Variants in IGF1R observed in about 807,000 individuals in gnomAD.
The protein encoded by IGF1R is insulin like growth factor 1 receptor.
In IGF1R, 44 loss-of-function variants were observed where a neutral mutation model predicts 144.6. The observed-to-expected ratio is 0.30, with a 90% CI of 0.24 to 0.39. The LOEUF (loss-of-function observed/expected upper bound fraction) is 0.39. Among genes scored for constraint, IGF1R ranks in the 10% least tolerant of loss-of-function variants. The pLI is 1.00. For missense variants in IGF1R, 1,355 were observed against 1,833.7 expected (o/e 0.74, Z 4.77); for synonymous variants, 795 against 722.8 (o/e 1.10, Z -1.60).
intron 2 of IGF1R, among the ~76,000 whole-genome samples, chr15:98,794,008 A>C (rs1224035715): frequency 1.3e-5 from 2 of 152,224 alleles, no homozygotes; most frequent in African/African-American, 4.8e-5. Context: ...GAAGCGCCCT[A>C]TCTTAGCACT....
chr15:98,856,316 A>C (rs773886512), intron 2 of IGF1R, among the ~76,000 whole-genome samples: 1 of 152,204 alleles, frequency 6.6e-6, no homozygotes, highest in African/African-American at 2.4e-5. Flanking sequence ...CATCGTCCAT[A>C]GTCTTCACCA....
chr15:98,761,931 T>C (rs2055307550), intron 2 of IGF1R, among the ~76,000 whole-genome samples: 1 of 152,236 alleles, frequency 6.6e-6, no homozygotes, highest in Admixed American at 6.5e-5. Flanking sequence ...GAGGGCTCAC[T>C]GTTTAGTGGG....
At chr15:98,952,193 C>T (rs1269614072) in intron 20 of IGF1R, among the ~76,000 whole-genome samples, 1 of 152,074 alleles carries the variant, frequency 6.6e-6, no homozygotes, top group Non-Finnish European at 1.5e-5. Flanking sequence ...CTCACCTTCT[C>T]CTTCAGGTTA....
intron 2 of IGF1R, among the ~76,000 whole-genome samples, chr15:98,773,183 T>C (rs578000871): frequency 6.6e-6 from 1 of 152,276 alleles, no homozygotes; most frequent in African/African-American, 2.4e-5. Flanking sequence ...ACAAGATGAG[T>C]AGCTGGTGGC....
intron 10 of IGF1R, among the ~76,000 whole-genome samples, chr15:98,917,160 G>A (rs551202430): frequency 6.6e-6 from 1 of 152,282 alleles, no homozygotes; most frequent in East Asian, 1.9e-4. Context: ...TGGGCACCCT[G>A]TGGTAGAGGC....
At chr15:98,702,619 T>A (rs1005350428) in intron 1 of IGF1R, among the ~76,000 whole-genome samples, 2 of 152,330 alleles carry the variant, frequency 1.3e-5, no homozygotes, top group African/African-American at 4.8e-5. Context: ...TGAACCACTG[T>A]GCCTGACTTT....
chr15:98,907,052 C>T (rs2014767725), intron 5 of IGF1R, among the ~76,000 whole-genome samples: 1 of 152,208 alleles, frequency 6.6e-6, no homozygotes, highest in African/African-American at 2.4e-5. Context: ...TAGATGTCAC[C>T]TGTGCATTCC....
At chr15:98,650,832 A>G in intron 1 of IGF1R, 1 of 873,728 alleles carries the variant, frequency 1.1e-6, no homozygotes, top group Non-Finnish European at 1.4e-6. Flanking sequence ...GTGTCGCTCC[A>G]CATTCGCTGT....
At position 98,792,550 on chromosome 15, in the gene IGF1R, G is replaced by GT. The variant is rs547872915; in HGVS notation, c.640+84444dup. ...GGTTATCTTCAAAGGATAAATTATG[G>GT]TAGGTGGTTGTTACCCAGGTTACCA... On this transcript the variant is annotated intron_variant, in intron 2 of 20. Transcript: ENST00000650285. 8.7e-3 allele frequency among the ~76,000 whole-genome samples: 1,318 copies of GT among 152,272 alleles called. 26 individuals carry two copies. Among genetic ancestry groups the GT allele is most frequent in the African/African-American group, 0.03 (1,234 of 41,520 alleles).
At chr15:98,815,704 G>A (rs1274819484) in intron 2 of IGF1R, among the ~76,000 whole-genome samples, 3 of 152,148 alleles carry the variant, frequency 2.0e-5, no homozygotes, top group African/African-American at 7.2e-5. Flanking sequence ...GTGACTCTGT[G>A]TGTTGGAGTG....
In IGF1R at chr15:98,891,292, GGTCTCATCTCC is replaced by G. The variant is rs1223552904; in HGVS notation, c.641-27_641-17del. On this transcript the variant is annotated intron_variant, in intron 2 of 20. Transcript: ENST00000650285. This position sits in a 1 kb window ranked among gnomAD's most constrained non-coding sequence, Gnocchi z 4.7. The stretch of plus-strand genomic sequence containing the variant: ...AGAGAAGGCGGTGCCTCCCCTGCCC[GGTCTCATCTCC>G]GTCTCTCCTCTCTCTCCACAGTGTG... 6.3e-6 allele frequency: 10 copies of G among 1,598,018 alleles called. No individual in the cohort carries two copies. The highest frequency in any genetic ancestry group is 6.8e-6 in the Non-Finnish European group (8 of 1,177,396).
At chr15:98,708,205 C>A in intron 2 of IGF1R, 98 bp downstream of exon 2, 1 of 1,063,896 alleles carries the variant, frequency 9.4e-7, no homozygotes, top group Non-Finnish European at 1.4e-6. Flanking sequence ...TTCCGCTGGG[C>A]AGGGTGCAGT....
At chr15:98,771,310 G>A (rs1195182015) in intron 2 of IGF1R, among the ~76,000 whole-genome samples, 2 of 151,756 alleles carry the variant, frequency 1.3e-5, no homozygotes, top group African/African-American at 4.8e-5. Context: ...TAGGATTTTT[G>A]TTGTTGTTGT....
intron 2 of IGF1R, among the ~76,000 whole-genome samples, chr15:98,879,292 G>A (rs1053346196): frequency 1.3e-4 from 20 of 152,276 alleles, no homozygotes; most frequent in Middle Eastern, 6.8e-3. Flanking sequence ...TAAAAATACA[G>A]TGATAGTAAA....
intron 1 of IGF1R, among the ~76,000 whole-genome samples, chr15:98,676,798 C>T (rs538685323): frequency 1.3e-5 from 2 of 152,280 alleles, no homozygotes; most frequent in Admixed American, 6.5e-5. Context: ...ATGAAGAAAT[C>T]ACAGAAGGTC....
chr15:98,933,431 C>A (rs1350069086), intron 15 of IGF1R, among the ~76,000 whole-genome samples: 1 of 152,052 alleles, frequency 6.6e-6, no homozygotes, highest in Non-Finnish European at 1.5e-5. Context: ...GTAGCCTCAA[C>A]CTCCTGGGCT....
intron 2 of IGF1R, among the ~76,000 whole-genome samples, chr15:98,810,739 G>A (rs1351371298): frequency 6.6e-6 from 1 of 151,540 alleles, no homozygotes; most frequent in Non-Finnish European, 1.5e-5. Flanking sequence ...TAGTAGAGAC[G>A]GGGTTTCACC....
intron 1 of IGF1R, among the ~76,000 whole-genome samples, chr15:98,698,848 T>C (rs945077644): frequency 3.9e-5 from 6 of 152,114 alleles, no homozygotes; most frequent in African/African-American, 1.2e-4. Flanking sequence ...AACAGATGAG[T>C]GGGATTTCTA....
intron 1 of IGF1R, among the ~76,000 whole-genome samples, chr15:98,697,245 C>G (rs556885186): frequency 6.6e-6 from 1 of 152,168 alleles, no homozygotes; most frequent in Non-Finnish European, 1.5e-5. Context: ...TCAACGCAGT[C>G]GGTTGTGGCT....
Sources: allele counts gnomAD v4.1 joint callset (sites outside exome capture counted in the v4.1 genomes callset), GRCh38; gene constraint gnomAD v4.1.1; non-coding constraint Gnocchi (gnomAD v3.1); transcripts MANE v1.5; gene names NCBI Gene and HGNC (gene_info 2026-07-23, HGNC 2026-07-21).